The following MGST2 variants were observed in gnomAD, a reference collection of about 807,000 sequenced individuals.
MGST2 encodes microsomal glutathione S-transferase 2, also known as glutathione peroxidase MGST2.
MGST2 carries 9 observed loss-of-function variants against 16.6 expected under a neutral mutation model. The observed-to-expected ratio is 0.54, with a 90% CI of 0.33 to 0.95. The LOEUF is 0.95. MGST2 is among the 40% of genes least tolerant of loss of function. MGST2 has a pLI of 0.03. For missense variants in MGST2, 159 were observed against 175.1 expected (o/e 0.91, Z 0.52); for synonymous variants, 79 against 68.0 (o/e 1.16, Z -0.79).
intron 5 of MGST2, among the ~76,000 whole-genome samples, chr4:139,737,557 A>ATT (rs142347866): frequency 2.0e-5 from 3 of 151,762 alleles, no homozygotes; most frequent in African/African-American, 7.3e-5. Flanking sequence ...AATATGCATC[A>ATT]TTTTTTTTAA....
At chr4:139,685,619 C>T (rs548090356) in intron 2 of MGST2, among the ~76,000 whole-genome samples, 21 of 152,190 alleles carry the variant, frequency 1.4e-4, no homozygotes, top group African/African-American at 4.8e-4. Flanking sequence ...TTTCCCTTGT[C>T]AACAAAAAGA....
At chr4:139,671,203 C>A (rs998148488) in intron 1 of MGST2, among the ~76,000 whole-genome samples, 3 of 152,150 alleles carry the variant, frequency 2.0e-5, no homozygotes, top group African/African-American at 7.2e-5. Context: ...CTTCCCCTCA[C>A]GGCAGGGAAT....
Position 139,665,894 on chromosome 4 carries a change from G to A in MGST2, c.-126G>A. 2 of 913,248 alleles carry A rather than the reference G, an allele frequency of 2.2e-6. No individual in the cohort carries two copies. The highest frequency in any genetic ancestry group is 3.5e-6 in the Non-Finnish European group (2 of 563,536). 56.6% of individuals were successfully genotyped at this position (913,248 alleles called of 1,614,324 possible). Reference sequence around the variant, plus strand: ...GTTCCAGAGCAAAGGTCATTCAGCCGCTTGAATCAGCCTTTTCCCCCCACC... The same window carrying A: ...GTTCCAGAGCAAAGGTCATTCAGCCACTTGAATCAGCCTTTTCCCCCCACC... On this transcript the variant is annotated 5_prime_UTR_variant, in exon 1 of 5. Transcript: ENST00000265498.
chr4:139,682,890 C>T (rs1190579378), intron 2 of MGST2, among the ~76,000 whole-genome samples: 1 of 151,428 alleles, frequency 6.6e-6, no homozygotes, highest in Non-Finnish European at 1.5e-5. Context: ...AAAAAAGAAA[C>T]TCAACAAAGC....
At chr4:139,737,304 C>A (rs1728983908) in intron 5 of MGST2, among the ~76,000 whole-genome samples, 1 of 151,436 alleles carries the variant, frequency 6.6e-6, no homozygotes, top group South Asian at 2.1e-4. Flanking sequence ...ATGTTTAACT[C>A]ATTTTGTTGA....
intron 5 of MGST2, among the ~76,000 whole-genome samples, chr4:139,738,155 C>T (rs754813710): frequency 4.6e-5 from 7 of 152,230 alleles, no homozygotes; most frequent in Admixed American, 6.5e-5. Context: ...TTCTTACTGC[C>T]GAAACCTCTT....
At chr4:139,670,929 A>C (rs904622533) in intron 1 of MGST2, among the ~76,000 whole-genome samples, 1 of 151,186 alleles carries the variant, frequency 6.6e-6, no homozygotes, top group South Asian at 2.1e-4. Context: ...AAAGATAAAG[A>C]GGTCATGTGA....
Position 139,666,117 on chromosome 4 carries a change from CGTGTGTGT to C in MGST2, c.58+50_58+57del, listed in dbSNP as rs1553943707. On this transcript the variant is annotated intron_variant, in intron 1 of 4. Transcript: ENST00000265498. ...AAGTTCGTGTGTGTGCGCGTGTGTG[CGTGTGTGT>C]GTGTGTGTGACAAGGCTTGCGGGAG... 23 of 1,025,418 alleles carry C rather than the reference CGTGTGTGT, an allele frequency of 2.2e-5. No homozygotes were observed. In the Middle Eastern group the frequency reaches 2.6e-3, roughly 118 times the overall value. 63.5% of individuals were successfully genotyped at this position (1,025,418 alleles called of 1,614,324 possible).
chr4:139,716,370 A>G (rs1403507748), intron 5 of MGST2, among the ~76,000 whole-genome samples: 2 of 152,182 alleles, frequency 1.3e-5, no homozygotes, highest in East Asian at 1.9e-4. Flanking sequence ...CTTCCCCTCA[A>G]TATATTCCGA....
intron 2 of MGST2, among the ~76,000 whole-genome samples, chr4:139,692,169 A>G (rs1726648940): frequency 6.6e-6 from 1 of 152,142 alleles, no homozygotes; most frequent in African/African-American, 2.4e-5. Context: ...CTTGTAGGGG[A>G]CAAAGGGCCT....
At chr4:139,728,237 G>A (rs977293771) in intron 5 of MGST2, among the ~76,000 whole-genome samples, 2 of 152,032 alleles carry the variant, frequency 1.3e-5, no homozygotes, top group African/African-American at 4.8e-5. Flanking sequence ...ACAAAAAAAA[G>A]TTGAGCACTT....
intron 2 of MGST2, among the ~76,000 whole-genome samples, chr4:139,688,540 C>A (rs79740253): frequency 0.018 from 2,715 of 151,240 alleles, 77 homozygotes; most frequent in African/African-American, 0.062. Context: ...ATTTTATTAA[C>A]TTTTTAATGT....
At chr4:139,736,220 A>G (rs1424540333) in intron 5 of MGST2, among the ~76,000 whole-genome samples, 5 of 152,208 alleles carry the variant, frequency 3.3e-5, no homozygotes, top group South Asian at 2.1e-4. Context: ...ACGAAATTGT[A>G]TATATCAAAA....
chr4:139,746,902 T>G, the MGST2 span, among the ~76,000 whole-genome samples: 5 of 151,532 alleles, frequency 3.3e-5, no homozygotes, highest in African/African-American at 7.3e-5. Context: ...TGGGAGGGGG[T>G]TGCTGGCGTC....
intron 2 of MGST2, among the ~76,000 whole-genome samples, chr4:139,690,094 C>A (rs549646216): frequency 1.3e-5 from 2 of 152,016 alleles, no homozygotes; most frequent in African/African-American, 4.8e-5. Flanking sequence ...TGGGTTCAAG[C>A]GATTCTTCTG....
chr4:139,699,326 G>A (rs1727110268), intron 3 of MGST2, among the ~76,000 whole-genome samples: 1 of 152,096 alleles, frequency 6.6e-6, no homozygotes, highest in African/African-American at 2.4e-5. Flanking sequence ...ATGCATTATG[G>A]TCTGTGTTTG....
rs1461633235 is a variant in MGST2 at position 139,704,158 on chromosome 4, T to C, written c.*10T>C. On this transcript the variant is annotated 3_prime_UTR_variant, in exon 5 of 5. Coordinates refer to ENST00000265498, the MANE Select transcript of MGST2 (RefSeq NM_002413.5). ...GAGGCGGCAATTCTAACTTTTTCTC[T>C]TCCCTTTAATACTTGCAGAAGCTGT... 1 of 1,613,924 alleles carries C rather than the reference T, an allele frequency of 6.2e-7. No individual in the cohort carries two copies. Among genetic ancestry groups the C allele is most frequent in the Admixed American group, 1.7e-5 (1 of 60,024 alleles).
At chr4:139,719,097 C>A (rs1003957807) in intron 5 of MGST2, 1 of 524,212 alleles carries the variant, frequency 1.9e-6, no homozygotes, top group African/African-American at 1.9e-5. Flanking sequence ...CTCTCGCAGC[C>A]GGGATCTGCA....
At chr4:139,743,559 T>A (rs1468782636), downstream of MGST2, among the ~76,000 whole-genome samples, 1 of 152,214 alleles carries the variant, frequency 6.6e-6, no homozygotes, top group East Asian at 1.9e-4. Flanking sequence ...ACACTAAATA[T>A]ACATGGCTGT....
Sources: allele counts gnomAD v4.1 joint callset (sites outside exome capture counted in the v4.1 genomes callset), GRCh38; gene constraint gnomAD v4.1.1; transcripts MANE v1.5; gene names NCBI Gene and HGNC (gene_info 2026-07-23, HGNC 2026-07-21).